The following RABEP1 variants were observed in gnomAD, a reference collection of about 807,000 sequenced individuals.
RABEP1 encodes the protein rabaptin, RAB GTPase binding effector protein 1.
RABEP1 carries 51 observed loss-of-function variants against 123.4 expected under a neutral mutation model. The ratio of observed to expected loss-of-function variants is 0.41; its 90% confidence interval spans 0.33 to 0.52. The LOEUF (loss-of-function observed/expected upper bound fraction) is 0.52, where lower values mean the gene tolerates loss of function less well. Among genes scored for constraint, RABEP1 ranks in the 20% least tolerant of loss-of-function variants. RABEP1 has a pLI of 0.16. For synonymous variants in RABEP1, 347 were observed against 355.2 expected, an observed-to-expected ratio of 0.98 and a Z score of 0.26; for missense variants, 888 against 996.3, an observed-to-expected ratio of 0.89 and a Z score of 1.46.
At chr17:5,336,397 G>T (rs1177487144) in intron 4 of RABEP1, 2 of 449,568 alleles carry the variant, frequency 4.4e-6, no homozygotes, top group Non-Finnish European at 8.8e-6. Context: ...CAGCTAATAA[G>T]CCTCTATCAA....
At chr17:5,321,695 G>A (rs769471361) in intron 2 of RABEP1, among the ~76,000 whole-genome samples, 1 of 152,170 alleles carries the variant, frequency 6.6e-6, no homozygotes, top group Non-Finnish European at 1.5e-5. Context: ...GATATTTCAT[G>A]CAACTGGAAA....
At chr17:5,343,531 G>C (rs1907793412) in intron 5 of RABEP1, among the ~76,000 whole-genome samples, 1 of 152,090 alleles carries the variant, frequency 6.6e-6, no homozygotes, top group East Asian at 1.9e-4. Flanking sequence ...CTGCACTCCA[G>C]CCCGGGAGAC....
chr17:5,339,667 C>T (rs1042352634), intron 5 of RABEP1, among the ~76,000 whole-genome samples: 1 of 85,190 alleles, frequency 1.2e-5, no homozygotes, highest in Admixed American at 9.9e-5. Context: ...GCGTGGTGGC[C>T]ACGCGCCTTG....
chr17:5,378,681 C>G, intron 15 of RABEP1: 1 of 220,974 alleles, frequency 4.5e-6, no homozygotes. Context: ...TCACCTCCAC[C>G]CTGCTCTCCC....
chr17:5,329,203 T>G (rs574976008), intron 2 of RABEP1, among the ~76,000 whole-genome samples: 1 of 152,154 alleles, frequency 6.6e-6, no homozygotes, highest in African/African-American at 2.4e-5. Context: ...GGGCTTGCTT[T>G]AAAATACTAC....
chr17:5,343,670 CTTTTTTTTTTTT>C (rs753410845), intron 5 of RABEP1, among the ~76,000 whole-genome samples: 7 of 99,952 alleles, frequency 7.0e-5, no homozygotes, highest in Non-Finnish European at 9.6e-5. Context: ...TTTCTTTTCT[CTTTTTTTTTTTT>C]TTTTTTTTTT....
chr17:5,351,576 G>A (rs1488295476), intron 7 of RABEP1, among the ~76,000 whole-genome samples: 3 of 151,914 alleles, frequency 2.0e-5, no homozygotes, highest in East Asian at 1.9e-4. Context: ...CAGGAGGATC[G>A]CTTGAGCCCA....
chr17:5,313,754 T>C (rs1445689015), intron 2 of RABEP1, among the ~76,000 whole-genome samples: 1 of 152,192 alleles, frequency 6.6e-6, no homozygotes, highest in African/African-American at 2.4e-5. Flanking sequence ...AGCGAACAGT[T>C]GGGGTAGCTT....
chr17:5,312,234 C>G (rs924500543), intron 2 of RABEP1, among the ~76,000 whole-genome samples: 2 of 152,228 alleles, frequency 1.3e-5, no homozygotes, highest in Non-Finnish European at 2.9e-5. Context: ...ACTGCAACCT[C>G]TGCCCCACGG....
In RABEP1 at chr17:5,378,189, G is replaced by A. The variant is rs1911158466; in HGVS notation, c.2228G>A (p.Ser743Asn). 6.3e-7 allele frequency: 1 copy of A among 1,589,000 alleles called. No individual in the cohort carries two copies. The highest frequency in any genetic ancestry group is 1.3e-5 in the African/African-American group (1 of 74,178). The change falls in exon 15 of 18, where the codon AGC becomes AAC. Residue 743 changes from serine to asparagine, a missense_variant. By Grantham distance (46) the Ser-to-Asn change is conservative. Coordinates refer to ENST00000537505, the MANE Select transcript of RABEP1 (RefSeq NM_004703.6). ...NCKEEIASIS[S>N]LKAELERIKV... ...TTTTTCCTTCTAGCTTCTATTTCTA[G>A]CCTAAAAGCTGAATTAGAAAGAATA...
chr17:5,337,917 C>A, intron 4 of RABEP1, 102 bp from the exon 5 acceptor site: 2 of 1,296,318 alleles, frequency 1.5e-6, no homozygotes, highest in Non-Finnish European at 2.1e-6. Flanking sequence ...AGTGTCTGGT[C>A]AAGTTACTTG....
At chr17:5,299,440 A>G (rs1172121570) in intron 1 of RABEP1, among the ~76,000 whole-genome samples, 1 of 151,444 alleles carries the variant, frequency 6.6e-6, no homozygotes, top group Non-Finnish European at 1.5e-5. Context: ...ATCCTTAAAC[A>G]GAGAACACTG....
At chr17:5,319,073 T>C (rs2075326068) in intron 2 of RABEP1, among the ~76,000 whole-genome samples, 1 of 152,128 alleles carries the variant, frequency 6.6e-6, no homozygotes, top group Non-Finnish European at 1.5e-5. Context: ...GGCTCATGCC[T>C]GTAATCCCAG....
intron 14 of RABEP1, 71 bp from the exon 15 acceptor site, chr17:5,378,106 A>G: frequency 7.7e-7 from 1 of 1,292,414 alleles, no homozygotes; most frequent in Non-Finnish European, 1.1e-6. Context: ...GGTGCTCTAA[A>G]ATTTTAAAGA....
intron 11 of RABEP1, 142 bp from the exon 12 acceptor site, chr17:5,368,228 A>G (rs1166835110): frequency 3.2e-6 from 2 of 623,302 alleles, no homozygotes; most frequent in Admixed American, 5.7e-5. Context: ...GCAGATGTGC[A>G]TGCAGCTGTT....
Position 5,373,227 on chromosome 17 carries a change from T to C in RABEP1, c.1885-87T>C, listed in dbSNP as rs1910668797. The C allele has an allele frequency of 3.8e-6, 5 of 1,318,854 alleles. No individual in the cohort carries two copies. The East Asian group carries it at 1.2e-4, about 32-fold the overall frequency. The allele number at this position is 1,318,854 out of a possible 1,614,324, so 81.7% of individuals were successfully genotyped here. A position where few individuals can be genotyped will look rare whatever the true frequency, so the allele number is the denominator to read the frequency against. On this transcript the variant is annotated intron_variant, in intron 12 of 17. Transcript: ENST00000537505. ...TACCCCGTCCATCCTCAGCACTCCT[T>C]TAGTTTGGACTTGTTTTTCTCTGGT...
At chr17:5,307,909 T>A (rs2144518748) in intron 1 of RABEP1, among the ~76,000 whole-genome samples, 1 of 152,280 alleles carries the variant, frequency 6.6e-6, no homozygotes, top group Admixed American at 6.5e-5. Context: ...CTCAGTATAA[T>A]GGTAATGGAT....
intron 2 of RABEP1, among the ~76,000 whole-genome samples, chr17:5,314,761 G>A (rs544505263): frequency 6.6e-6 from 1 of 152,094 alleles, no homozygotes; most frequent in Non-Finnish European, 1.5e-5. Context: ...CTTGTGATCC[G>A]CCCACTTCAG....
intron 6 of RABEP1, among the ~76,000 whole-genome samples, chr17:5,349,579 A>G (rs1908346827): frequency 6.6e-6 from 1 of 152,192 alleles, no homozygotes; most frequent in East Asian, 1.9e-4. Context: ...ACCGGACCCA[A>G]CGAGGATTTC....
Sources: gnomAD v4.1 joint callset for allele counts (sites outside exome capture counted in the v4.1 genomes callset) on GRCh38, gnomAD v4.1.1 for gene constraint, MANE v1.5 for transcripts, NCBI Gene and HGNC (gene_info 2026-07-23, HGNC 2026-07-21) for gene names.